TMEM132C: variants seen among roughly 807,000 people sequenced by gnomAD.
TMEM132C encodes the protein transmembrane protein 132C.
Under a neutral mutation model 61.4 loss-of-function variants are expected in TMEM132C, and 29 were observed. That is an observed-to-expected ratio of 0.47 (90% CI 0.35 to 0.64). The LOEUF (loss-of-function observed/expected upper bound fraction) is 0.64, where lower values mean the gene tolerates loss of function less well. TMEM132C is among the 30% of genes least tolerant of loss of function. The pLI is 0.00. For synonymous variants in TMEM132C, 656 were observed against 633.1 expected (o/e 1.04, Z -0.54); for missense variants, 1,408 against 1,476.9 (o/e 0.95, Z 0.76).
chr12:128,288,173 C>T (rs1871134830), intron 1 of TMEM132C: 3 of 152,024 alleles, frequency 2.0e-5, no homozygotes, highest in Admixed American at 2.0e-4. Flanking sequence ...ATTCTCCTGC[C>T]CCAGCCTCCT....
chr12:128,530,423 C>T (rs1873246769), intron 2 of TMEM132C, among the ~76,000 whole-genome samples: 1 of 151,992 alleles, frequency 6.6e-6, no homozygotes, highest in African/African-American at 2.4e-5. Context: ...GAGTTGAGAG[C>T]ACACATCCAA....
At chr12:128,477,732 G>A (rs2002276) in intron 2 of TMEM132C, among the ~76,000 whole-genome samples, 10,553 of 152,082 alleles carry the variant, frequency 0.069, 434 homozygotes, top group Middle Eastern at 0.1. Flanking sequence ...GGCACCCGCC[G>A]TCACACCCGG....
chr12:128,458,628 G>C (rs1012717173), intron 2 of TMEM132C, among the ~76,000 whole-genome samples: 1 of 152,112 alleles, frequency 6.6e-6, no homozygotes, highest in African/African-American at 2.4e-5. Flanking sequence ...TCACATAAAA[G>C]CCGTGGTGCA....
chr12:128,427,428 G>GTGTGTGTATATATA (rs1359402190), intron 2 of TMEM132C, among the ~76,000 whole-genome samples: 1 of 129,196 alleles, frequency 7.7e-6, no homozygotes, highest in Non-Finnish European at 1.6e-5. Flanking sequence ...GTGTGTGTGT[G>GTGTGTGTATATATA]TATATATATT....
At chr12:128,634,333 C>G (rs1954084807) in intron 4 of TMEM132C, among the ~76,000 whole-genome samples, 1 of 152,250 alleles carries the variant, frequency 6.6e-6, no homozygotes, top group South Asian at 2.1e-4. Flanking sequence ...TCTCAGCCTC[C>G]CAAAGTGCTG....
At chr12:128,382,325 C>G (rs932146806) in intron 1 of TMEM132C, among the ~76,000 whole-genome samples, 1 of 152,120 alleles carries the variant, frequency 6.6e-6, no homozygotes, top group East Asian at 1.9e-4. Context: ...AATATTATTT[C>G]CTTTGTGATA....
chr12:128,382,119 C>T (rs770023007), intron 1 of TMEM132C, among the ~76,000 whole-genome samples: 13 of 152,044 alleles, frequency 8.6e-5, no homozygotes, highest in Non-Finnish European at 1.5e-4. Context: ...CAGCCACCCA[C>T]TGCCGCTCTG....
chr12:128,333,814 G>T (rs1235022163), intron 1 of TMEM132C, among the ~76,000 whole-genome samples: 2 of 151,422 alleles, frequency 1.3e-5, no homozygotes, highest in Non-Finnish European at 2.9e-5. Context: ...GGTGTGTGTT[G>T]TATGTGTGAG....
intron 2 of TMEM132C, among the ~76,000 whole-genome samples, chr12:128,526,563 C>T (rs1414965580): frequency 6.6e-6 from 1 of 152,168 alleles, no homozygotes; most frequent in East Asian, 1.9e-4. Flanking sequence ...TAGCATCCTT[C>T]CGCAGATGAA....
chr12:128,298,443 C>T (rs1028758544), intron 1 of TMEM132C, among the ~76,000 whole-genome samples: 13 of 152,042 alleles, frequency 8.6e-5, no homozygotes, highest in African/African-American at 3.1e-4. Context: ...TAGAGACTCA[C>T]AGGAAGTTGC....
chr12:128,389,446 A>G (rs1051134036), intron 1 of TMEM132C, among the ~76,000 whole-genome samples: 1 of 152,142 alleles, frequency 6.6e-6, no homozygotes, highest in African/African-American at 2.4e-5. Context: ...AGAGCACATC[A>G]TCTTTCTCCA....
At chr12:128,548,790 C>T (rs1874053232) in intron 3 of TMEM132C, among the ~76,000 whole-genome samples, 1 of 152,104 alleles carries the variant, frequency 6.6e-6, no homozygotes, top group African/African-American at 2.4e-5. Context: ...CATATACAGA[C>T]TTTGGTTTTC....
chr12:128,330,365 A>C (rs1872638131), intron 1 of TMEM132C, among the ~76,000 whole-genome samples: 1 of 152,130 alleles, frequency 6.6e-6, no homozygotes, highest in Non-Finnish European at 1.5e-5. Context: ...ACCAACCTCG[A>C]ATATGTTATA....
intron 1 of TMEM132C, among the ~76,000 whole-genome samples, chr12:128,344,909 T>TA (rs995207663): frequency 6.6e-6 from 1 of 150,598 alleles, no homozygotes; most frequent in African/African-American, 2.4e-5. Context: ...CTTTCCTTCC[T>TA]AAAAAAGATG....
intron 1 of TMEM132C, among the ~76,000 whole-genome samples, chr12:128,402,823 T>C (rs1282537782): frequency 6.6e-6 from 1 of 152,198 alleles, no homozygotes; most frequent in Admixed American, 6.5e-5. Flanking sequence ...TGTGCCTACC[T>C]AGGGCACCCT....
At chr12:128,356,898 G>A (rs1455349432) in intron 1 of TMEM132C, among the ~76,000 whole-genome samples, 2 of 152,146 alleles carry the variant, frequency 1.3e-5, no homozygotes, top group South Asian at 4.1e-4. Context: ...CTTAAATAGA[G>A]ATGAATCCCA....
At chr12:128,673,781 G>A (rs1436621237) in intron 5 of TMEM132C, among the ~76,000 whole-genome samples, 1 of 152,192 alleles carries the variant, frequency 6.6e-6, no homozygotes, top group Admixed American at 6.5e-5. Flanking sequence ...GTAAAGTGAG[G>A]ATAAGCATAG....
At chr12:128,453,101 G>C (rs892775531) in intron 2 of TMEM132C, among the ~76,000 whole-genome samples, 1 of 152,172 alleles carries the variant, frequency 6.6e-6, no homozygotes, top group African/African-American at 2.4e-5. Context: ...AGACAAGACC[G>C]TGTTGATTCT....
chr12:128,670,408 C>T (rs906179086), intron 5 of TMEM132C, among the ~76,000 whole-genome samples: 5 of 152,126 alleles, frequency 3.3e-5, no homozygotes, highest in Non-Finnish European at 7.4e-5. Flanking sequence ...TATTTTGTAT[C>T]TTTTGACCAA....
Sources: gnomAD v4.1 joint callset for allele counts (sites outside exome capture counted in the v4.1 genomes callset) on GRCh38, gnomAD v4.1.1 for gene constraint, MANE v1.5 for transcripts, NCBI Gene and HGNC (gene_info 2026-07-23, HGNC 2026-07-21) for gene names.